CPQ: variants seen among roughly 807,000 people sequenced by gnomAD.
The protein encoded by CPQ is carboxypeptidase Q.
In CPQ, 37 loss-of-function variants were observed where a neutral mutation model predicts 45.7. The ratio of observed to expected loss-of-function variants is 0.81; its 90% CI spans 0.62 to 1.07. CPQ has a LOEUF of 1.07. Ranked by LOEUF, CPQ falls within the 50% of genes least tolerant of loss-of-function variation. The pLI is 0.00. For missense variants in CPQ, 537 were observed against 572.9 expected (o/e 0.94, Z 0.64); for synonymous variants, 186 against 205.8 (o/e 0.90, Z 0.82).
intron 7 of CPQ, among the ~76,000 whole-genome samples, chr8:97,104,285 C>T (rs1811364566): frequency 6.6e-6 from 1 of 152,066 alleles, no homozygotes. Context: ...TAAACCATCC[C>T]AAAGTGTATT....
chr8:96,955,871 A>G (rs1029197989), intron 4 of CPQ, among the ~76,000 whole-genome samples: 6 of 152,212 alleles, frequency 3.9e-5, no homozygotes, highest in Admixed American at 6.5e-5. Flanking sequence ...ACAAAAATTA[A>G]TTCAAGATGG....
At chr8:97,032,825 A>C (rs1236962122) in intron 6 of CPQ, among the ~76,000 whole-genome samples, 1 of 152,236 alleles carries the variant, frequency 6.6e-6, no homozygotes, top group Admixed American at 6.5e-5. Flanking sequence ...ACACATAAGA[A>C]AGTTAGTATA....
At chr8:96,753,157 T>C (rs1215128294) in intron 1 of CPQ, among the ~76,000 whole-genome samples, 1 of 152,178 alleles carries the variant, frequency 6.6e-6, no homozygotes, top group Non-Finnish European at 1.5e-5. Flanking sequence ...GTTTATAGAG[T>C]AGTCCATTTT....
intron 1 of CPQ, among the ~76,000 whole-genome samples, chr8:96,707,215 G>C (rs914307984): frequency 2.0e-4 from 30 of 152,220 alleles, no homozygotes; most frequent in African/African-American, 7.2e-4. Flanking sequence ...TGCAATGACA[G>C]AAGTTTTTCT....
intron 4 of CPQ, among the ~76,000 whole-genome samples, chr8:96,962,024 A>G (rs1299888737): frequency 6.6e-6 from 1 of 152,058 alleles, no homozygotes; most frequent in Non-Finnish European, 1.5e-5. Flanking sequence ...GATTTCGTCC[A>G]TCTCCACTCT....
At chr8:96,802,948 T>A (rs1039884964) in intron 2 of CPQ, among the ~76,000 whole-genome samples, 3 of 152,012 alleles carry the variant, frequency 2.0e-5, no homozygotes, top group African/African-American at 7.3e-5. Context: ...TCTCTTTATT[T>A]CATCCTTGTA....
intron 2 of CPQ, among the ~76,000 whole-genome samples, chr8:96,818,056 T>G (rs953836170): frequency 6.6e-6 from 1 of 152,008 alleles, no homozygotes; most frequent in African/African-American, 2.4e-5. Flanking sequence ...GTTTTTGATT[T>G]AAAGTGAGAA....
At chr8:97,086,661 C>A (rs1420614360) in intron 7 of CPQ, among the ~76,000 whole-genome samples, 2 of 152,162 alleles carry the variant, frequency 1.3e-5, no homozygotes, top group South Asian at 4.1e-4. Context: ...GGCTGACTTA[C>A]CTGGATTTGT....
chr8:97,090,776 A>T (rs1811113055), intron 7 of CPQ, among the ~76,000 whole-genome samples: 1 of 152,120 alleles, frequency 6.6e-6, no homozygotes. Flanking sequence ...TGAGTGGGGG[A>T]CAGTTCTCAA....
chr8:96,828,807 T>C lies in CPQ; in HGVS notation c.434-6166T>C, dbSNP rs555417973. On this transcript the variant is annotated intron_variant, in intron 2 of 7. Coordinates refer to ENST00000220763, the MANE Select transcript of CPQ (RefSeq NM_016134.4). Reference sequence around the variant, plus strand: ...AAAACAAGTTGTTTTTGGAAAAGAGTATATTTCATGTTTTAGAGTATAAAT... The same window carrying C: ...AAAACAAGTTGTTTTTGGAAAAGAGCATATTTCATGTTTTAGAGTATAAAT... Among the ~76,000 whole-genome samples, 87 of 152,134 alleles carry C rather than the reference T, an allele frequency of 5.7e-4. No individual in the cohort carries two copies. The Middle Eastern group carries it at 0.01, about 18-fold the overall frequency.
intron 1 of CPQ, among the ~76,000 whole-genome samples, chr8:96,702,826 T>C (rs955888778): frequency 1.3e-5 from 2 of 152,134 alleles, no homozygotes; most frequent in Non-Finnish European, 2.9e-5. Flanking sequence ...GTGTCACATA[T>C]TTTGCATTTT....
At chr8:97,098,393 C>T (rs1473669860) in intron 7 of CPQ, among the ~76,000 whole-genome samples, 2 of 152,102 alleles carry the variant, frequency 1.3e-5, no homozygotes, top group African/African-American at 4.8e-5. Flanking sequence ...CAGTGCTTTT[C>T]CCCCTCCCAA....
chr8:97,070,594 T>C lies in CPQ; in HGVS notation c.1255+4384T>C, dbSNP rs149925597. Among the ~76,000 whole-genome samples, 1,054 of 152,194 alleles carry C rather than the reference T, an allele frequency of 6.9e-3. 22 individuals are homozygous for C. The highest frequency in any genetic ancestry group is 0.024 in the African/African-American group (1,008 of 41,530). On this transcript the variant is annotated intron_variant, in intron 7 of 7. Transcript: ENST00000220763. ...CTAAGAGCCAAAAATGTATAAAAAA[T>C]ATTGGGAGAATGATATAAATTGGGA... is the stretch of plus-strand genomic sequence containing the variant.
intron 7 of CPQ, among the ~76,000 whole-genome samples, chr8:97,078,365 C>T (rs888880318): frequency 1.3e-5 from 2 of 152,138 alleles, no homozygotes; most frequent in Non-Finnish European, 2.9e-5. Context: ...TGTGTTGCTA[C>T]TGGATTGTTC....
intron 1 of CPQ, among the ~76,000 whole-genome samples, chr8:96,764,063 G>A (rs187324926): frequency 2.6e-5 from 4 of 152,210 alleles, no homozygotes; most frequent in Non-Finnish European, 5.9e-5. Context: ...ACAAATAAAT[G>A]TTTTACTTGT....
At chr8:97,126,099 G>GA (rs1011170077) in intron 7 of CPQ, among the ~76,000 whole-genome samples, 2 of 151,850 alleles carry the variant, frequency 1.3e-5, no homozygotes, top group African/African-American at 4.8e-5. Flanking sequence ...CTTTTTCAAG[G>GA]AAAAAATGAG....
intron 7 of CPQ, among the ~76,000 whole-genome samples, chr8:97,130,131 T>G (rs1811921668): frequency 6.6e-6 from 1 of 152,192 alleles, no homozygotes; most frequent in South Asian, 2.1e-4. Flanking sequence ...ATGTTCCATG[T>G]CCTCCATCAT....
At chr8:97,078,703 GATGTACA>G (rs1057376607) in intron 7 of CPQ, among the ~76,000 whole-genome samples, 2 of 149,972 alleles carry the variant, frequency 1.3e-5, no homozygotes, top group Non-Finnish European at 3.0e-5. Flanking sequence ...TTCTACTAGA[GATGTACA>G]AATTTCTGTT....
intron 4 of CPQ, among the ~76,000 whole-genome samples, chr8:96,961,076 G>A (rs1196043948): frequency 6.6e-6 from 1 of 152,094 alleles, no homozygotes; most frequent in Non-Finnish European, 1.5e-5. Flanking sequence ...TGGAATTGTT[G>A]GATTGTGGAA....
Sources: gnomAD v4.1 joint callset for allele counts (sites outside exome capture counted in the v4.1 genomes callset) on GRCh38, gnomAD v4.1.1 for gene constraint, MANE v1.5 for transcripts, NCBI Gene and HGNC (gene_info 2026-07-23, HGNC 2026-07-21) for gene names.